EMSY: variants seen among roughly 807,000 people sequenced by gnomAD.
EMSY encodes EMSY transcriptional repressor, BRCA2 interacting, also known as BRCA2-interacting transcriptional repressor EMSY.
A neutral mutation model predicts 134.6 loss-of-function variants in EMSY; 26 were observed. The observed-to-expected ratio is 0.19, with a 90% CI of 0.14 to 0.27. The LOEUF is 0.27. EMSY is among the 10% of genes least tolerant of loss of function. The probability of loss-of-function intolerance (pLI) is 1.00; values close to 1 mark genes in which losing one functional copy is unlikely to be tolerated. For missense variants in EMSY, 1,305 were observed against 1,611.4 expected, an observed-to-expected ratio of 0.81 and a Z score of 3.26; for synonymous variants, 579 against 577.8, an observed-to-expected ratio of 1.00 and a Z score of -0.03.
At chr11:76,544,325 G>A (rs775708987) in exon 19 of EMSY, 1 of 1,614,178 alleles carries the variant, frequency 6.2e-7, no homozygotes, top group Admixed American at 1.7e-5. Context: ...GGGCGAGGTT[G>A]AAGAGATGGA....
intron 9 of EMSY, among the ~76,000 whole-genome samples, chr11:76,500,210 C>T (rs1043250155): frequency 6.6e-6 from 1 of 151,988 alleles, no homozygotes; most frequent in Non-Finnish European, 1.5e-5. Flanking sequence ...GAGATTTCAC[C>T]ATATCTAATG....
chr11:76,540,018 G>A (rs1951375626), intron 17 of EMSY, among the ~76,000 whole-genome samples: 1 of 152,098 alleles, frequency 6.6e-6, no homozygotes, highest in South Asian at 2.1e-4. Flanking sequence ...CCTGCCCTTT[G>A]TATCATTCTG....
At chr11:76,525,508 A>G (rs182505210) in intron 12 of EMSY, among the ~76,000 whole-genome samples, 3 of 152,212 alleles carry the variant, frequency 2.0e-5, no homozygotes, top group East Asian at 3.8e-4. Flanking sequence ...AAAATTCTCA[A>G]ATCTTTTCAT....
At position 76,472,654 on chromosome 11, in the gene EMSY, C is replaced by T. The variant is rs777718429; in HGVS notation, c.922C>T (p.Pro308Ser). 11 of 1,614,070 alleles carry T rather than the reference C, an allele frequency of 6.8e-6. No individual in the cohort carries two copies. The South Asian group carries it at 1.2e-4, about 18-fold the overall frequency. Residue 308 changes from proline (P) to serine (S), a missense_variant, in exon 8 of 21, where the codon CCA becomes TCA. This residue lies in a region of EMSY where 180 missense variants were observed against 171.1 expected (regional missense o/e 1.05). Coordinates refer to ENST00000334736, the Ensembl canonical transcript of EMSY. Reference sequence around the variant, plus strand: ...CTATGCAGCAGTCACTAAGCTTGTACCAACGTCAGTCATTGCTTCTACAAC... The same window carrying T: ...CTATGCAGCAGTCACTAAGCTTGTATCAACGTCAGTCATTGCTTCTACAAC...
chr11:76,550,000 G>A, exon 21 of EMSY: 2 of 1,613,762 alleles, frequency 1.2e-6, no homozygotes, highest in Non-Finnish European at 1.7e-6. Context: ...CAATGTGGTG[G>A]TGGAGCCCAG....
intron 8 of EMSY, among the ~76,000 whole-genome samples, chr11:76,494,649 C>CCCTTCCTTCCTTCCTTCCTTCCTT (rs71036100): frequency 2.9e-5 from 2 of 69,122 alleles, no homozygotes; most frequent in African/African-American, 6.2e-5. Context: ...CCTTTCCTTT[C>CCCTTCCTTCCTTCCTTCCTTCCTT]CCTTCCTTCC....
At chr11:76,518,705 T>TATATATATATATATATATATATATATA (rs1406438858) in intron 11 of EMSY, among the ~76,000 whole-genome samples, 1 of 80,754 alleles carries the variant, frequency 1.2e-5, no homozygotes, top group Non-Finnish European at 2.4e-5. Flanking sequence ...ATATATATAT[T>TATATATATATATATATATATATATATA]TTTTTTTTAA....
intron 9 of EMSY, among the ~76,000 whole-genome samples, chr11:76,504,684 A>G (rs1950005302): frequency 6.6e-6 from 1 of 152,240 alleles, no homozygotes; most frequent in Admixed American, 6.5e-5. Flanking sequence ...TCCTAGGTAT[A>G]TATACAAGAG....
chr11:76,533,440 CTG>C (rs1179222907), intron 14 of EMSY, among the ~76,000 whole-genome samples: 1 of 151,038 alleles, frequency 6.6e-6, no homozygotes, highest in African/African-American at 2.4e-5. Flanking sequence ...ATTGTTATAA[CTG>C]TGCAGAGTTG....
intron 10 of EMSY, 80 bp downstream of exon 11, chr11:76,513,615 A>T: frequency 6.8e-7 from 1 of 1,469,886 alleles, no homozygotes. Context: ...TATGCTTGAC[A>T]CTTGGGATAT....
chr11:76,459,999 G>A lies in EMSY; in HGVS notation c.485G>A (p.Ser162Asn), dbSNP rs141598201. The A allele has an allele frequency of 2.5e-4, 405 of 1,614,138 alleles. 1 individual carries two copies. In the African/African-American group the frequency reaches 4.3e-3, roughly 17 times the overall value. ...ACCTCTACCCCTGTTCCAAGTGGCA[G>A]CATAGCAACGGTTAAGTCTCCAAGA... The change falls in exon 6 of 21, where the codon AGC becomes AAC. Residue 162 changes from serine (S) to asparagine (N), a missense_variant. Physicochemically the swap from Ser to Asn is conservative, Grantham distance 46. Around this residue, in one of 7 missense-constraint regions of EMSY, gnomAD observed 205 missense variants for 268.6 expected, o/e 0.76. Transcript: ENST00000334736.
intron 10 of EMSY, among the ~76,000 whole-genome samples, chr11:76,514,430 G>A (rs1219050613): frequency 1.3e-5 from 2 of 152,066 alleles, no homozygotes; most frequent in African/African-American, 4.8e-5. Context: ...TTATTGGCCA[G>A]TGTGTAAAGG....
At chr11:76,462,121 C>T (rs1590799942) in intron 6 of EMSY, among the ~76,000 whole-genome samples, 1 of 151,962 alleles carries the variant, frequency 6.6e-6, no homozygotes, top group Non-Finnish European at 1.5e-5. Context: ...TGCCTGTAAT[C>T]CCAGCTACTT....
At chr11:76,467,466 A>G (rs1333475644) in intron 7 of EMSY, among the ~76,000 whole-genome samples, 4 of 152,206 alleles carry the variant, frequency 2.6e-5, no homozygotes, top group South Asian at 2.1e-4. Flanking sequence ...ACTAGTTGAT[A>G]TTATATTGCA....
intron 9 of EMSY, among the ~76,000 whole-genome samples, chr11:76,509,390 G>A (rs1475828838): frequency 1.3e-5 from 2 of 152,218 alleles, no homozygotes; most frequent in African/African-American, 4.8e-5. Context: ...TACTCGGGAG[G>A]CTGAGGCAGG....
At chr11:76,490,060 TATTA>T (rs1354099121) in intron 8 of EMSY, among the ~76,000 whole-genome samples, 1 of 152,248 alleles carries the variant, frequency 6.6e-6, no homozygotes, top group African/African-American at 2.4e-5. Context: ...TTACATTTAA[TATTA>T]ATTATCGGTA....
At chr11:76,457,239 C>T (rs1243597489) in intron 4 of EMSY, among the ~76,000 whole-genome samples, 2 of 152,148 alleles carry the variant, frequency 1.3e-5, no homozygotes, top group Non-Finnish European at 2.9e-5. Flanking sequence ...GAGTCTTAAA[C>T]TCTAAGTTAG....
chr11:76,546,600 A>G (rs1203678665), intron 20 of EMSY, among the ~76,000 whole-genome samples: 1 of 152,208 alleles, frequency 6.6e-6, no homozygotes, highest in Non-Finnish European at 1.5e-5. Context: ...CAATGTGTTC[A>G]CTCATTAAGT....
chr11:76,523,090 A>G (rs1439948546), intron 11 of EMSY, 65 bp from the exon 13 acceptor site: 18 of 1,485,500 alleles, frequency 1.2e-5, no homozygotes, highest in Non-Finnish European at 1.6e-5. Flanking sequence ...TGTATAATAT[A>G]AACAAAAATA....
Sources: gnomAD v4.1 joint callset for allele counts (sites outside exome capture counted in the v4.1 genomes callset) on GRCh38, gnomAD v4.1.1 for gene constraint, gnomAD v4.1.1 regional missense constraint, MANE v1.5 for transcripts, NCBI Gene and HGNC (gene_info 2026-07-23, HGNC 2026-07-21) for gene names.